KLHL13: variants seen among roughly 807,000 people sequenced by gnomAD.
KLHL13 encodes kelch-like protein 13.
A neutral mutation model predicts 37.1 loss-of-function variants in KLHL13; 10 were observed. The ratio of observed to expected loss-of-function variants is 0.27; its 90% CI spans 0.17 to 0.46. KLHL13 has a LOEUF of 0.46. Among genes scored for constraint, KLHL13 ranks in the 20% least tolerant of loss-of-function variants. The pLI is 1.00. For synonymous variants in KLHL13, 163 were observed against 181.2 expected (o/e 0.90, Z 0.81); for missense variants, 360 against 509.3 (o/e 0.71, Z 2.82).
chrX:117,937,115 T>C (rs949706079), intron 2 of KLHL13, among the ~76,000 whole-genome samples: 1 of 111,851 alleles, frequency 8.9e-6, no homozygotes, highest in Non-Finnish European at 1.9e-5. Context: ...AGCCGGAGTA[T>C]GTGTTATTGC....
At chrX:118,018,279 TTTA>T (rs1283804211) in intron 1 of KLHL13, among the ~76,000 whole-genome samples, 1 of 111,555 alleles carries the variant, frequency 9.0e-6, no homozygotes, top group Non-Finnish European at 1.9e-5. Flanking sequence ...GTGATATATA[TTTA>T]TTATCTGACC....
chrX:117,906,636 T>C (rs930680372), intron 5 of KLHL13, among the ~76,000 whole-genome samples: 3 of 111,420 alleles, frequency 2.7e-5, no homozygotes, highest in Non-Finnish European at 3.8e-5. Context: ...TGAATGCACT[T>C]ACTAAGTCAA....
chrX:118,081,983 T>C (rs1036881730), intron 1 of KLHL13, among the ~76,000 whole-genome samples: 2 of 109,399 alleles, frequency 1.8e-5, no homozygotes, highest in Non-Finnish European at 1.9e-5. Flanking sequence ...TGTGTATACA[T>C]ATATCAGCTT....
intron 1 of KLHL13, among the ~76,000 whole-genome samples, chrX:118,079,734 T>G (rs774906545): frequency 6.3e-5 from 7 of 111,256 alleles, no homozygotes; most frequent in African/African-American, 2.3e-4. Flanking sequence ...ATTTACAGAT[T>G]CAACGTTATT....
intron 1 of KLHL13, among the ~76,000 whole-genome samples, chrX:118,058,808 A>G (rs1426246639): frequency 8.9e-6 from 1 of 112,028 alleles, no homozygotes; most frequent in Non-Finnish European, 1.9e-5. Context: ...ATCATTTTAT[A>G]GTATGTCTAG....
chrX:117,963,838 T>C (rs958329565), intron 1 of KLHL13, among the ~76,000 whole-genome samples: 2 of 107,079 alleles, frequency 1.9e-5, no homozygotes, highest in Non-Finnish European at 3.8e-5. Flanking sequence ...GCATTACATA[T>C]ACACCATGGA....
chrX:117,951,645 C>G (rs1933609988), intron 1 of KLHL13, among the ~76,000 whole-genome samples: 1 of 111,519 alleles, frequency 9.0e-6, no homozygotes, highest in Non-Finnish European at 1.9e-5. Context: ...AGCTATTGCA[C>G]AGGCTATAAA....
chrX:117,992,209 A>G (rs2053801333), intron 1 of KLHL13, among the ~76,000 whole-genome samples: 1 of 103,444 alleles, frequency 9.7e-6, no homozygotes, highest in African/African-American at 3.7e-5. Flanking sequence ...GGATAGAGAA[A>G]CTTTCTCTTA....
intron 1 of KLHL13, among the ~76,000 whole-genome samples, chrX:118,030,833 G>C (rs1175252704): frequency 1.8e-5 from 2 of 111,677 alleles, no homozygotes; most frequent in Non-Finnish European, 3.8e-5. Context: ...CTAGCCTCCA[G>C]AACTGTGAGA....
chrX:117,963,890 T>C (rs1308111080), intron 1 of KLHL13, among the ~76,000 whole-genome samples: 5 of 102,362 alleles, frequency 4.9e-5, no homozygotes, highest in African/African-American at 1.8e-4. Context: ...ATGTCCTTTG[T>C]AGGGACATGG....
upstream of KLHL13, among the ~76,000 whole-genome samples, chrX:117,975,701 T>G (rs1175797882): frequency 8.9e-6 from 1 of 112,035 alleles, no homozygotes; most frequent in African/African-American, 3.2e-5. Context: ...TACTTCACCT[T>G]CTGAGAATGA....
At position 118,056,306 on chromosome X, in the gene KLHL13, A is replaced by G. The variant is rs747646634; in HGVS notation, c.-56+60202T>C. On this transcript the variant is annotated intron_variant, in intron 1 of 6. Transcript: ENST00000371882. ...CTATAAAACATTGCTGAAAAACAGA[A>G]TAAGATCTAAATAAATGGGAAAACA... is the stretch of plus-strand genomic sequence containing the variant. Among the ~76,000 whole-genome samples, 5 of 112,275 alleles carry G rather than the reference A, an allele frequency of 4.5e-5. No individual in the cohort carries two copies. In the East Asian group the frequency reaches 8.4e-4, roughly 19 times the overall value.
chrX:118,076,725 C>T (rs561825333), intron 1 of KLHL13, among the ~76,000 whole-genome samples: 8 of 111,192 alleles, frequency 7.2e-5, no homozygotes, highest in African/African-American at 2.3e-4. Flanking sequence ...ATGACTGCTC[C>T]TTTTCTGTCC....
chrX:117,901,240 CCTT>C (rs1316540978), intron 6 of KLHL13, among the ~76,000 whole-genome samples: 1 of 111,257 alleles, frequency 9.0e-6, no homozygotes, highest in Non-Finnish European at 1.9e-5. Context: ...ATGATACACT[CCTT>C]CACATAGTTT....
chrX:118,013,710 C>T (rs1388022565), intron 1 of KLHL13, among the ~76,000 whole-genome samples: 1 of 112,233 alleles, frequency 8.9e-6, no homozygotes, highest in Admixed American at 9.4e-5. Flanking sequence ...ATATGGAAGG[C>T]ACTACTACAA....
chrX:117,973,534 G>A, exon 1 of KLHL13: 1 of 898,948 alleles, frequency 1.1e-6, no homozygotes, highest in Non-Finnish European at 1.4e-6. Context: ...TTCCAGCTAG[G>A]AGAAGGCAAA....
intron 1 of KLHL13, among the ~76,000 whole-genome samples, chrX:117,981,737 A>G (rs749687128): frequency 9.0e-6 from 1 of 111,516 alleles, no homozygotes; most frequent in Non-Finnish European, 1.9e-5. Context: ...GTTTCTAGAA[A>G]TATCAATTTT....
chrX:118,029,430 G>C (rs1031033346), intron 1 of KLHL13, among the ~76,000 whole-genome samples: 2 of 111,936 alleles, frequency 1.8e-5, no homozygotes, highest in African/African-American at 6.5e-5. Context: ...TTTTGTTTTG[G>C]TGATTATTTT....
At chrX:117,980,765 G>GA (rs1303037135) in intron 1 of KLHL13, among the ~76,000 whole-genome samples, 8 of 111,408 alleles carry the variant, frequency 7.2e-5, no homozygotes, top group Admixed American at 4.8e-4. Context: ...TATGCCCACA[G>GA]AAACTACTGT....
Sources: gnomAD v4.1 joint callset for allele counts (sites outside exome capture counted in the v4.1 genomes callset) on GRCh38, gnomAD v4.1.1 for gene constraint, MANE v1.5 for transcripts, NCBI Gene and HGNC (gene_info 2026-07-23, HGNC 2026-07-21) for gene names.